The following CYTH3 variants were observed in gnomAD, a reference collection of about 807,000 sequenced individuals.
The protein encoded by CYTH3 is cytohesin 3, also known as cytohesin-3.
In CYTH3, 23 loss-of-function variants were observed where a neutral mutation model predicts 55.1. The observed-to-expected ratio is 0.42, with a 90% CI of 0.30 to 0.59. The LOEUF (loss-of-function observed/expected upper bound fraction) is 0.59, where lower values mean the gene tolerates loss of function less well. CYTH3 is among the 20% of genes least tolerant of loss of function. The pLI, the probability that CYTH3 is intolerant of heterozygous loss-of-function variation, is 0.20. For missense variants in CYTH3, 413 were observed against 524.8 expected (o/e 0.79, Z 2.08); for synonymous variants, 249 against 194.9 (o/e 1.28, Z -2.31).
intron 1 of CYTH3, among the ~76,000 whole-genome samples, chr7:6,232,800 C>T (rs959079633): frequency 1.4e-4 from 21 of 152,276 alleles, no homozygotes; most frequent in Middle Eastern, 6.8e-3. Context: ...TAACTTCCCC[C>T]ACACCCTTCC....
intron 1 of CYTH3, among the ~76,000 whole-genome samples, chr7:6,225,030 CT>C (rs1779208201): frequency 6.6e-6 from 1 of 152,178 alleles, no homozygotes; most frequent in Admixed American, 6.5e-5. Flanking sequence ...TAGCCAGTGG[CT>C]GGCGCTGGGG....
In CYTH3 at chr7:6,272,531, C is replaced by T; in HGVS notation, c.-24G>A. 2 of 1,301,142 alleles carry T rather than the reference C, an allele frequency of 1.5e-6. No individual in the cohort carries two copies. The highest frequency in any genetic ancestry group is 3.3e-5 in the South Asian group (2 of 60,818). The allele number at this position is 1,301,142 out of a possible 1,614,324, so 80.6% of individuals were successfully genotyped here. The stretch of plus-strand genomic sequence containing the variant: ...ATCTTGAGGCCACTCCCGCAGCCGG[C>T]GAGCCGGGGGCCGGCAGCAGAGGGG... On this transcript the variant is annotated 5_prime_UTR_variant, in exon 1 of 13. Coordinates refer to ENST00000350796, the MANE Select transcript of CYTH3 (RefSeq NM_004227.4).
chr7:6,187,543 C>A (rs1310517185), intron 3 of CYTH3, 114 bp downstream of exon 3: 6 of 939,178 alleles, frequency 6.4e-6, no homozygotes, highest in Non-Finnish European at 1.1e-5. Context: ...ATTAACAACT[C>A]CACAGGCTCC....
At chr7:6,223,058 C>T (rs1323226459) in intron 1 of CYTH3, among the ~76,000 whole-genome samples, 1 of 152,264 alleles carries the variant, frequency 6.6e-6, no homozygotes, top group African/African-American at 2.4e-5. Context: ...GGATGCTTCA[C>T]TTCTCCTCTT....
At chr7:6,255,758 G>GCTTTTTTT (rs1780084704) in intron 1 of CYTH3, among the ~76,000 whole-genome samples, 1 of 89,404 alleles carries the variant, frequency 1.1e-5, no homozygotes, top group African/African-American at 4.9e-5. Flanking sequence ...CCTTTAATCT[G>GCTTTTTTT]TTTTTTTTTT....
At chr7:6,242,077 T>C (rs1379964550) in intron 1 of CYTH3, among the ~76,000 whole-genome samples, 1 of 151,904 alleles carries the variant, frequency 6.6e-6, no homozygotes, top group African/African-American at 2.4e-5. Context: ...AGAGGGGTTT[T>C]TTCTTTGTTT....
At chr7:6,215,906 T>C (rs764952449) in intron 1 of CYTH3, among the ~76,000 whole-genome samples, 58 of 152,244 alleles carry the variant, frequency 3.8e-4, no homozygotes, top group Non-Finnish European at 6.5e-4. Context: ...ATTCTTCAAG[T>C]GAAGAAAGAA....
chr7:6,225,667 A>AT (rs921967962), intron 1 of CYTH3, among the ~76,000 whole-genome samples: 1 of 141,926 alleles, frequency 7.0e-6, no homozygotes, highest in African/African-American at 2.6e-5. Context: ...GAAAATATAT[A>AT]TTTTTTTGAA....
chr7:6,242,136 G>C (rs1038779098), intron 1 of CYTH3, among the ~76,000 whole-genome samples: 1 of 152,030 alleles, frequency 6.6e-6, no homozygotes, highest in African/African-American at 2.4e-5. Context: ...GAGTGCAGTG[G>C]TACAATCTCG....
At chr7:6,165,247 G>C in intron 12 of CYTH3, 26 bp downstream of exon 12, 1 of 1,597,844 alleles carries the variant, frequency 6.3e-7, no homozygotes, top group Non-Finnish European at 8.5e-7. Flanking sequence ...AGACGGGCCT[G>C]GCCCCGCCCC....
intron 5 of CYTH3, 81 bp from the exon 6 acceptor site, chr7:6,173,814 G>A (rs1454982589): frequency 9.5e-6 from 8 of 844,242 alleles, no homozygotes; most frequent in Admixed American, 1.9e-5. Context: ...GAATAATGTG[G>A]CTATGAACGT....
chr7:6,195,511 A>G (rs1027463009), intron 1 of CYTH3, among the ~76,000 whole-genome samples: 13 of 152,006 alleles, frequency 8.6e-5, no homozygotes, highest in African/African-American at 3.1e-4. Flanking sequence ...CTGGAGTACA[A>G]TGGCACGATC....
Position 6,197,691 on chromosome 7 carries a change from G to GA in CYTH3, c.35-7161dup, listed in dbSNP as rs749896616. The stretch of plus-strand genomic sequence containing the variant: ...AGAGTGGAACTCTGCCTCAAAGAGG[G>GA]AAAAAAAAGAATTGAGCAAAATTAT... On this transcript the variant is annotated intron_variant, in intron 1 of 12. Transcript: ENST00000350796. Among the ~76,000 whole-genome samples the GA allele has an allele frequency of 1.3e-4, 19 of 151,596 alleles. No individual in the cohort carries two copies. In the East Asian group the frequency reaches 1.7e-3, roughly 14 times the overall value.
chr7:6,226,386 A>G (rs1174125254), intron 1 of CYTH3, among the ~76,000 whole-genome samples: 1 of 152,188 alleles, frequency 6.6e-6, no homozygotes, highest in Non-Finnish European at 1.5e-5. Context: ...TCCCATTCAC[A>G]AACATCTAAA....
intron 4 of CYTH3, among the ~76,000 whole-genome samples, chr7:6,179,644 ACCCCACACC>A (rs1783430504): frequency 4.1e-5 from 3 of 72,886 alleles, no homozygotes; most frequent in African/African-American, 1.1e-4. Context: ...CACCTCACAC[ACCCCACACC>A]CCACACACAC....
At chr7:6,174,321 G>T (rs1783277065) in intron 5 of CYTH3, among the ~76,000 whole-genome samples, 1 of 150,536 alleles carries the variant, frequency 6.6e-6, no homozygotes, top group Non-Finnish European at 1.5e-5. Flanking sequence ...CTCCATGTTG[G>T]TCAGGCTGGT....
intron 1 of CYTH3, 127 bp downstream of exon 1, chr7:6,272,347 C>T: frequency 4.2e-6 from 4 of 945,018 alleles, no homozygotes; most frequent in Non-Finnish European, 5.4e-6. Flanking sequence ...CTCCAGCGGA[C>T]GCCGCTGCCG....
chr7:6,251,591 C>T (rs1222543706), intron 1 of CYTH3, among the ~76,000 whole-genome samples: 4 of 152,146 alleles, frequency 2.6e-5, no homozygotes, highest in South Asian at 2.1e-4. Flanking sequence ...CAGTAGTGCT[C>T]ATATATTACA....
At chr7:6,259,772 T>TATATATAA (rs1491219669) in intron 1 of CYTH3, among the ~76,000 whole-genome samples, 54 of 30,490 alleles carry the variant, frequency 1.8e-3, no homozygotes, top group African/African-American at 0.014. Flanking sequence ...TATATATATA[T>TATATATAA]TATATATATA....
Sources: allele counts gnomAD v4.1 joint callset (sites outside exome capture counted in the v4.1 genomes callset), GRCh38; gene constraint gnomAD v4.1.1; transcripts MANE v1.5; gene names NCBI Gene and HGNC (gene_info 2026-07-23, HGNC 2026-07-21).